The following FAM117A variants were observed in gnomAD, a reference collection of about 807,000 sequenced individuals.
The protein encoded by FAM117A is family with sequence similarity 117 member A, also known as protein FAM117A.
FAM117A carries 21 observed loss-of-function variants against 44.1 expected under a neutral mutation model. The observed-to-expected ratio is 0.48, with a 90% CI of 0.34 to 0.69. The LOEUF (loss-of-function observed/expected upper bound fraction) is 0.69, where lower values mean the gene tolerates loss of function less well. FAM117A is among the 30% of genes least tolerant of loss of function. The probability of loss-of-function intolerance (pLI) is 0.01; values close to 1 mark genes in which losing one functional copy is unlikely to be tolerated. For missense variants in FAM117A, 498 were observed against 589.9 expected, an observed-to-expected ratio of 0.84 and a Z score of 1.61; for synonymous variants, 220 against 238.3, an observed-to-expected ratio of 0.92 and a Z score of 0.71.
intron 2 of FAM117A, among the ~76,000 whole-genome samples, chr17:49,730,640 A>G (rs1200840392): frequency 6.6e-6 from 1 of 152,186 alleles, no homozygotes; most frequent in Non-Finnish European, 1.5e-5. Flanking sequence ...CTTGACTACA[A>G]ACATATTTGA....
chr17:49,710,415 C>T lies in FAM117A; in HGVS notation c.*840G>A, dbSNP rs956278023. The T allele has an allele frequency of 2.6e-5, 4 of 152,598 alleles. No homozygotes were observed. Among genetic ancestry groups the T allele is most frequent in the Non-Finnish European group, 5.9e-5 (4 of 68,034 alleles). The allele number at this position is 152,598 out of a possible 1,614,324, so 9.5% of individuals were successfully genotyped here. A position where few individuals can be genotyped will look rare whatever the true frequency, so the allele number is the denominator to read the frequency against. ...CCTCTAAACACAAGATAAGAAAACTCGAACATTAACATTCTTCAATTTTGT... is the reference window on the plus strand; with the variant it reads ...CCTCTAAACACAAGATAAGAAAACTTGAACATTAACATTCTTCAATTTTGT... On this transcript the variant is annotated 3_prime_UTR_variant, in exon 8 of 8. Transcript: ENST00000240364.
intron 1 of FAM117A, among the ~76,000 whole-genome samples, chr17:49,756,873 C>T (rs193019373): frequency 5.4e-5 from 8 of 147,802 alleles, no homozygotes; most frequent in Admixed American, 2.7e-4. Flanking sequence ...GCTGAGATCA[C>T]GCCACTGCAC....
intron 6 of FAM117A, 151 bp from the exon 7 acceptor site, chr17:49,716,466 C>T (rs2073504055): frequency 6.6e-6 from 4 of 604,326 alleles, no homozygotes; most frequent in Non-Finnish European, 1.1e-5. Flanking sequence ...TATACTCTAC[C>T]TTAAAAACCT....
chr17:49,787,840 C>A (rs926363024), intron 1 of FAM117A, among the ~76,000 whole-genome samples: 9 of 152,208 alleles, frequency 5.9e-5, no homozygotes, highest in African/African-American at 2.2e-4. Flanking sequence ...TAAAAACATT[C>A]CTTCCTCTTC....
intron 1 of FAM117A, among the ~76,000 whole-genome samples, chr17:49,745,032 AAC>A (rs1262092763): frequency 4.3e-4 from 64 of 147,504 alleles, no homozygotes; most frequent in African/African-American, 1.4e-3. Context: ...AAAAAAAAAA[AAC>A]ACACACACAC....
upstream of FAM117A, among the ~76,000 whole-genome samples, chr17:49,768,061 A>C (rs2073750488): frequency 6.6e-6 from 1 of 152,170 alleles, no homozygotes; most frequent in Non-Finnish European, 1.5e-5. Context: ...GTCAGAAATA[A>C]ATGAGAATTG....
At chr17:49,740,819 T>C (rs543823315) in intron 1 of FAM117A, among the ~76,000 whole-genome samples, 5 of 152,234 alleles carry the variant, frequency 3.3e-5, no homozygotes, top group African/African-American at 7.2e-5. Flanking sequence ...AACAGGTACC[T>C]AAAGGAGAAG....
At chr17:49,711,823 G>A (rs573652626) in intron 7 of FAM117A, among the ~76,000 whole-genome samples, 1 of 152,300 alleles carries the variant, frequency 6.6e-6, no homozygotes, top group Non-Finnish European at 1.5e-5. Flanking sequence ...TTCAAGAAGT[G>A]GAGACCAAGA....
chr17:49,783,548 C>T (rs545514174), intron 1 of FAM117A, among the ~76,000 whole-genome samples: 2 of 146,774 alleles, frequency 1.4e-5, no homozygotes, highest in East Asian at 2.3e-4. Context: ...GGTGGGGCTG[C>T]GGGTGGGGGC....
intron 6 of FAM117A, among the ~76,000 whole-genome samples, chr17:49,716,797 C>T (rs1218922680): frequency 1.3e-5 from 2 of 152,198 alleles, no homozygotes; most frequent in Non-Finnish European, 2.9e-5. Context: ...CTCTCCCTTT[C>T]CACACAGTGA....
chr17:49,766,060 T>C (rs2073744896), upstream of FAM117A, among the ~76,000 whole-genome samples: 1 of 152,146 alleles, frequency 6.6e-6, no homozygotes. Context: ...TTCTCCATGC[T>C]AGGTACATGT....
chr17:49,731,908 CCCAAGTAGCTGG>C (rs2073587020), intron 2 of FAM117A, among the ~76,000 whole-genome samples: 1 of 152,114 alleles, frequency 6.6e-6, no homozygotes, highest in Non-Finnish European at 1.5e-5. Flanking sequence ...GCCTCAGCCT[CCCAAGTAGCTGG>C]GACTGCAGGC....
At chr17:49,725,018 A>G (rs1453826538) in intron 2 of FAM117A, among the ~76,000 whole-genome samples, 1 of 152,028 alleles carries the variant, frequency 6.6e-6, no homozygotes, top group Non-Finnish European at 1.5e-5. Flanking sequence ...CTTTGTGTCA[A>G]CACCCAACCC....
At chr17:49,714,296 G>A (rs1033708399) in intron 7 of FAM117A, among the ~76,000 whole-genome samples, 1 of 151,604 alleles carries the variant, frequency 6.6e-6, no homozygotes, top group Non-Finnish European at 1.5e-5. Flanking sequence ...TTTAAATCCC[G>A]GCATATCTTA....
chr17:49,712,724 A>C (rs1238494152), intron 7 of FAM117A, among the ~76,000 whole-genome samples: 1 of 152,082 alleles, frequency 6.6e-6, no homozygotes, highest in Non-Finnish European at 1.5e-5. Flanking sequence ...TATGCTACCC[A>C]GGCTGGCCTC....
intron 1 of FAM117A, among the ~76,000 whole-genome samples, chr17:49,745,067 A>G (rs1190545254): frequency 2.6e-5 from 4 of 151,714 alleles, no homozygotes; most frequent in Non-Finnish European, 5.9e-5. Context: ...AAGTCTGTAC[A>G]ATTTTTTCCA....
chr17:49,731,164 T>C (rs994345659), intron 2 of FAM117A, among the ~76,000 whole-genome samples: 7 of 152,250 alleles, frequency 4.6e-5, no homozygotes, highest in South Asian at 2.1e-4. Context: ...AGCACTTTCA[T>C]GTGTCATTTG....
intron 1 of FAM117A, chr17:49,733,023 T>C: frequency 7.1e-6 from 2 of 279,940 alleles, no homozygotes; most frequent in Non-Finnish European, 1.4e-5. Context: ...CGTGAACTCC[T>C]AGATCTCCAC....
At chr17:49,746,962 G>A (rs1268374237) in intron 1 of FAM117A, among the ~76,000 whole-genome samples, 2 of 152,112 alleles carry the variant, frequency 1.3e-5, no homozygotes, top group African/African-American at 2.4e-5. Context: ...ATCATTACAC[G>A]TCCCCAGCTG....
Sources: gnomAD v4.1 joint callset for allele counts (sites outside exome capture counted in the v4.1 genomes callset) on GRCh38, gnomAD v4.1.1 for gene constraint, MANE v1.5 for transcripts, NCBI Gene and HGNC (gene_info 2026-07-23, HGNC 2026-07-21) for gene names.